The following DEFB1 variants were observed in gnomAD, a reference collection of about 807,000 sequenced individuals.
DEFB1 encodes the protein beta-defensin 1.
A neutral mutation model predicts 2.6 loss-of-function variants in DEFB1; 4 were observed. The observed-to-expected ratio is 1.53, with a 90% confidence interval of 0.76 to 3.51. The LOEUF (loss-of-function observed/expected upper bound fraction) is 3.51. Among genes scored for constraint, DEFB1 ranks in the 30% most tolerant of loss-of-function variants. The pLI is 0.01. For missense variants in DEFB1, 162 were observed against 76.9 expected, an observed-to-expected ratio of 2.11 and a Z score of -4.14; for synonymous variants, 56 against 28.5, an observed-to-expected ratio of 1.96 and a Z score of -3.07.
At chr8:6,875,102 ACACACACC>A (rs1806477087) in intron 1 of DEFB1, among the ~76,000 whole-genome samples, 1 of 139,396 alleles carries the variant, frequency 7.2e-6, no homozygotes, top group African/African-American at 2.6e-5. Context: ...ACACACACAC[ACACACACC>A]CCATTGCCAG....
chr8:6,870,743 A>G lies in DEFB1; in HGVS notation c.145T>C (p.Cys49Arg), dbSNP rs949725264. The stretch of plus-strand genomic sequence containing the variant: ...CCTTGAATTTTGGTAAAGATCGGGC[A>G]GGCAGAATAGAGACATTGCCCTCCA... ...SSGGQCLYSA[C>R]PIFTKIQGTC... The change falls in exon 2 of 2, where the codon TGC (cysteine) becomes CGC (arginine). Residue 49 changes from cysteine (C) to arginine (R), a missense_variant. Cys to Arg is a radical substitution (Grantham distance 180). Transcript: ENST00000297439. 4 of 1,614,122 alleles carry G rather than the reference A, an allele frequency of 2.5e-6. No homozygotes were observed. Among genetic ancestry groups the G allele is most frequent in the Non-Finnish European group, 3.4e-6 (4 of 1,180,054 alleles).
chr8:6,873,808 C>G (rs1218937805), intron 1 of DEFB1, among the ~76,000 whole-genome samples: 1 of 152,166 alleles, frequency 6.6e-6, no homozygotes, highest in African/African-American at 2.4e-5. Context: ...CATTTTAAAA[C>G]AAGCTCCTAG....
At chr8:6,871,109 T>C (rs1806294156) in intron 1 of DEFB1, among the ~76,000 whole-genome samples, 1 of 152,200 alleles carries the variant, frequency 6.6e-6, no homozygotes, top group Non-Finnish European at 1.5e-5. Context: ...GTGCAGGGAA[T>C]TCAAGTTATT....
In DEFB1 at chr8:6,876,472, A is replaced by G. The variant is rs56369667; in HGVS notation, c.61+1325T>C. Among the ~76,000 whole-genome samples, 22 of 151,616 alleles carry G rather than the reference A, an allele frequency of 1.5e-4. No individual in the cohort carries two copies. The South Asian group carries it at 3.1e-3, about 22-fold the overall frequency. On this transcript the variant is annotated intron_variant, in intron 1 of 1. Coordinates refer to ENST00000297439, the MANE Select transcript of DEFB1 (RefSeq NM_005218.4). ...AGCCTGGGTGACAGAGCAAGACTCC[A>G]TCTCAAAAAAACAAAACAAAACAAA...
chr8:6,870,894 C>A, intron 1 of DEFB1, 68 bp from the exon 2 acceptor site: 2 of 1,517,684 alleles, frequency 1.3e-6, no homozygotes, highest in African/African-American at 1.4e-5. Flanking sequence ...GAACATCTCG[C>A]GAAAGCAGAA....
chr8:6,870,742 C>A lies in DEFB1; in HGVS notation c.146G>T (p.Cys49Phe), dbSNP rs746312265. Reference protein sequence around the residue: ...SSGGQCLYSACPIFTKIQGTC... With the variant: ...SSGGQCLYSAFPIFTKIQGTC... ...GCCTTGAATTTTGGTAAAGATCGGG[C>A]AGGCAGAATAGAGACATTGCCCTCC... Residue 49 changes from cysteine (C) to phenylalanine (F), a missense_variant, in exon 2 of 2, where the codon TGC becomes TTC. Coordinates refer to ENST00000297439, the MANE Select transcript of DEFB1 (RefSeq NM_005218.4). The A allele has an allele frequency of 1.2e-6, 2 of 1,614,216 alleles. No homozygotes were observed. Among genetic ancestry groups the A allele is most frequent in the Admixed American group, 1.7e-5 (1 of 60,026 alleles).
At chr8:6,877,462 A>T (rs1002654344) in intron 1 of DEFB1, among the ~76,000 whole-genome samples, 7 of 152,222 alleles carry the variant, frequency 4.6e-5, no homozygotes, top group African/African-American at 1.2e-4. Context: ...CTGCATAGGA[A>T]GCTGGCCTCT....
At chr8:6,876,353 G>A (rs376540757) in intron 1 of DEFB1, among the ~76,000 whole-genome samples, 37 of 152,226 alleles carry the variant, frequency 2.4e-4, no homozygotes, top group African/African-American at 7.9e-4. Flanking sequence ...GCATGCACCT[G>A]TAATCCCAGC....
intron 1 of DEFB1, among the ~76,000 whole-genome samples, chr8:6,872,807 C>A (rs1161676344): frequency 6.6e-6 from 1 of 152,142 alleles, no homozygotes; most frequent in African/African-American, 2.4e-5. Flanking sequence ...ATGTTGACCT[C>A]AAGTAAGATC....
chr8:6,875,465 A>G (rs1055705387), intron 1 of DEFB1, among the ~76,000 whole-genome samples: 1 of 152,214 alleles, frequency 6.6e-6, no homozygotes, highest in East Asian at 1.9e-4. Context: ...CAAAAGACAA[A>G]CAGGTATTTT....
chr8:6,876,142 T>C (rs756134333), intron 1 of DEFB1, among the ~76,000 whole-genome samples: 1 of 152,208 alleles, frequency 6.6e-6, no homozygotes, highest in African/African-American at 2.4e-5. Context: ...AAATAGCATC[T>C]ACTTTTACTA....
At chr8:6,876,667 G>A (rs760432547) in intron 1 of DEFB1, among the ~76,000 whole-genome samples, 2 of 151,926 alleles carry the variant, frequency 1.3e-5, no homozygotes, top group African/African-American at 2.4e-5. Flanking sequence ...GCCAGGTGTG[G>A]TGGTGCATGC....
At chr8:6,873,970 C>T (rs1160998836) in intron 1 of DEFB1, among the ~76,000 whole-genome samples, 2 of 152,200 alleles carry the variant, frequency 1.3e-5, no homozygotes, top group Admixed American at 1.3e-4. Flanking sequence ...CATTTGCCTT[C>T]ACCTTGTGTT....
intron 1 of DEFB1, among the ~76,000 whole-genome samples, chr8:6,872,550 G>A (rs1806361084): frequency 6.6e-6 from 1 of 152,108 alleles, no homozygotes; most frequent in Admixed American, 6.5e-5. Context: ...GTTTGGGAAG[G>A]GCCCGGAAAC....
intron 1 of DEFB1, among the ~76,000 whole-genome samples, chr8:6,873,299 T>G (rs1311876580): frequency 2.0e-5 from 3 of 152,246 alleles, no homozygotes; most frequent in Non-Finnish European, 4.4e-5. Context: ...ACCACACTGC[T>G]GGTTGACTGT....
At chr8:6,875,668 G>T (rs1165586005) in intron 1 of DEFB1, among the ~76,000 whole-genome samples, 2 of 152,182 alleles carry the variant, frequency 1.3e-5, no homozygotes, top group Non-Finnish European at 2.9e-5. Flanking sequence ...GCTTGTGGGA[G>T]TGCAAGTTGG....
chr8:6,874,549 C>T (rs185530913), intron 1 of DEFB1, among the ~76,000 whole-genome samples: 1 of 152,114 alleles, frequency 6.6e-6, no homozygotes, highest in African/African-American at 2.4e-5. Context: ...GTAATTAAGG[C>T]AATGTGCTTA....
chr8:6,876,020 G>A (rs1806514053), intron 1 of DEFB1, among the ~76,000 whole-genome samples: 1 of 152,094 alleles, frequency 6.6e-6, no homozygotes, highest in Non-Finnish European at 1.5e-5. Flanking sequence ...TGTTAACAAA[G>A]TGCCTTTCAA....
chr8:6,876,375 G>A (rs5743435), intron 1 of DEFB1, among the ~76,000 whole-genome samples: 4,290 of 152,238 alleles, frequency 0.028, 109 homozygotes, highest in South Asian at 0.081. Flanking sequence ...AACTCAGGAG[G>A]CTGAGGCAGG....
Sources: allele counts gnomAD v4.1 joint callset (sites outside exome capture counted in the v4.1 genomes callset), GRCh38; gene constraint gnomAD v4.1.1; transcripts MANE v1.5; gene names NCBI Gene and HGNC (gene_info 2026-07-23, HGNC 2026-07-21).